Variants in RORB observed in about 807,000 individuals in gnomAD.
RORB encodes RAR related orphan receptor B.
A neutral mutation model predicts 59.1 loss-of-function variants in RORB; 6 were observed. The observed-to-expected ratio is 0.10, with a 90% confidence interval of 0.06 to 0.20. The LOEUF is 0.20. Among genes scored for constraint, RORB ranks in the 10% least tolerant of loss-of-function variants. The probability of loss-of-function intolerance (pLI) is 1.00; values close to 1 mark genes in which losing one functional copy is unlikely to be tolerated. For synonymous variants in RORB, 215 were observed against 204.5 expected, an observed-to-expected ratio of 1.05 and a Z score of -0.44; for missense variants, 320 against 560.5, an observed-to-expected ratio of 0.57 and a Z score of 4.33.
rs1316409550 is a variant in RORB, at chr9:74,689,608, A to C, written c.*3990A>C. ...AGATTCCAAGAGATCTTAAATCATA[A>C]TAAACTCTGAATATTAACAAGAGGT... On this transcript the variant is annotated 3_prime_UTR_variant, in exon 10 of 10. Coordinates refer to ENST00000376896, the MANE Select transcript of RORB (RefSeq NM_006914.4). The C allele has an allele frequency of 2.0e-5, 3 of 152,212 alleles. No homozygotes were observed. The highest frequency in any genetic ancestry group is 2.9e-5 in the Non-Finnish European group (2 of 68,044). The allele number at this position is 152,212 out of a possible 1,614,324, so 9.4% of individuals were successfully genotyped here. A position where few individuals can be genotyped will look rare whatever the true frequency, so the allele number is the denominator to read the frequency against.
Position 74,692,780 on chromosome 9 carries a change from A to G in RORB, c.*7162A>G, listed in dbSNP as rs1211949379. On this transcript the variant is annotated 3_prime_UTR_variant, in exon 10 of 10. Transcript: ENST00000376896. ...ATGTATTCTTATTGGCCTGTAGAGG[A>G]AAAAGGCAAACCACAAATAAACCCA... The G allele has an allele frequency of 1.3e-5, 2 of 152,176 alleles. No homozygotes were observed. Among genetic ancestry groups the G allele is most frequent in the Admixed American group, 6.5e-5 (1 of 15,278 alleles). The allele number at this position is 152,176 out of a possible 1,614,324, so 9.4% of individuals were successfully genotyped here. A position where few individuals can be genotyped will look rare whatever the true frequency, so the allele number is the denominator to read the frequency against.
At chr9:74,648,964 T>C (rs1823947119) in intron 4 of RORB, among the ~76,000 whole-genome samples, 1 of 151,656 alleles carries the variant, frequency 6.6e-6, no homozygotes, top group Non-Finnish European at 1.5e-5. Context: ...AAAATGAAGA[T>C]AGGTTCTTTT....
chr9:74,508,578 A>T (rs1354909130), intron 1 of RORB, among the ~76,000 whole-genome samples: 1 of 152,032 alleles, frequency 6.6e-6, no homozygotes, highest in Non-Finnish European at 1.5e-5. Flanking sequence ...TGTAGGTGAC[A>T]CCTTCTATAG....
chr9:74,569,839 G>C (rs1189168103), intron 1 of RORB, among the ~76,000 whole-genome samples: 1 of 151,886 alleles, frequency 6.6e-6, no homozygotes, highest in Non-Finnish European at 1.5e-5. Context: ...CAAATATCTA[G>C]CTTGTTAAAT....
chr9:74,621,942 A>C (rs544113993), intron 1 of RORB, among the ~76,000 whole-genome samples: 1 of 152,298 alleles, frequency 6.6e-6, no homozygotes, highest in South Asian at 2.1e-4. Context: ...TTTTGGATTC[A>C]AGTACTTTAT....
intron 1 of RORB, among the ~76,000 whole-genome samples, chr9:74,620,700 T>C (rs993431519): frequency 4.6e-5 from 7 of 152,264 alleles, no homozygotes; most frequent in African/African-American, 1.4e-4. Flanking sequence ...TAAATTTCCC[T>C]CTACACACTG....
Position 74,665,577 on chromosome 9 carries a change from C to A in RORB, c.982C>A (p.Gln328Lys). 6.2e-7 allele frequency: 1 copy of A among 1,609,854 alleles called. No individual in the cohort carries two copies. Among genetic ancestry groups the A allele is most frequent in the Non-Finnish European group, 8.5e-7 (1 of 1,176,632 alleles). ...VLFEGKYGGM[Q>K]MFKALGSDDL... Reference sequence around the variant, plus strand: ...GTTTGAAGGAAAATATGGAGGAATGCAAATGTTCAAAGCCTTAGGTAAGTT... The same window carrying A: ...GTTTGAAGGAAAATATGGAGGAATGAAAATGTTCAAAGCCTTAGGTAAGTT... The change falls in exon 7 of 10, where the codon CAA (glutamine) becomes AAA (lysine). Residue 328 changes from glutamine to lysine, a missense_variant. Gln to Lys is a moderately conservative substitution (Grantham distance 53). Around this residue, in one of 4 missense-constraint regions of RORB, gnomAD observed 109 missense variants for 171.0 expected, o/e 0.64. Transcript: ENST00000376896.
intron 1 of RORB, among the ~76,000 whole-genome samples, chr9:74,604,020 G>C (rs1040899969): frequency 9.3e-5 from 14 of 150,918 alleles, no homozygotes; most frequent in African/African-American, 3.2e-4. Context: ...CTATGTTCTT[G>C]TATATGGAAA....
At chr9:74,617,095 C>T (rs900639059) in intron 1 of RORB, among the ~76,000 whole-genome samples, 3 of 148,770 alleles carry the variant, frequency 2.0e-5, no homozygotes, top group South Asian at 4.5e-4. Flanking sequence ...CCGCTCCCCC[C>T]GCAAAAAAAC....
intron 1 of RORB, among the ~76,000 whole-genome samples, chr9:74,622,629 C>A (rs1419698659): frequency 6.9e-6 from 1 of 145,380 alleles, no homozygotes. Context: ...CGAGTTCAAG[C>A]GATTCTCCTG....
chr9:74,527,793 C>T (rs1488047079), intron 1 of RORB, among the ~76,000 whole-genome samples: 3 of 151,984 alleles, frequency 2.0e-5, no homozygotes, highest in African/African-American at 4.8e-5. Context: ...TCACTACAAA[C>T]GAGCCCAGGC....
At chr9:74,582,979 C>T (rs1277124754) in intron 1 of RORB, among the ~76,000 whole-genome samples, 1 of 152,158 alleles carries the variant, frequency 6.6e-6, no homozygotes, top group East Asian at 1.9e-4. Flanking sequence ...CTTCAACCTT[C>T]TCAGGTGTCT....
intron 4 of RORB, among the ~76,000 whole-genome samples, chr9:74,647,943 T>C (rs1823926272): frequency 6.6e-6 from 1 of 152,226 alleles, no homozygotes; most frequent in African/African-American, 2.4e-5. Flanking sequence ...ATAAATATTT[T>C]ATACTGTTTA....
At chr9:74,650,874 T>A (rs1217442769) in intron 4 of RORB, among the ~76,000 whole-genome samples, 1 of 152,184 alleles carries the variant, frequency 6.6e-6, no homozygotes, top group Admixed American at 6.5e-5. Context: ...AATTAGTTCT[T>A]CCTAAAGGTC....
intron 4 of RORB, among the ~76,000 whole-genome samples, chr9:74,646,908 G>C (rs1445618224): frequency 1.3e-5 from 2 of 152,104 alleles, no homozygotes; most frequent in South Asian, 2.1e-4. Context: ...GAGGGAGACG[G>C]CAAGTATTGA....
In RORB at chr9:74,662,622, C is replaced by G. The variant is rs1351008574; in HGVS notation, c.892+16C>G. ...CTGAAGTCAGGTAAGCAAGAAGATT[C>G]ATGGGAGGCCTATTTCAGATAAGGA... is the stretch of plus-strand genomic sequence containing the variant. On this transcript the variant is annotated intron_variant, in intron 6 of 9. Coordinates refer to ENST00000376896, the MANE Select transcript of RORB (RefSeq NM_006914.4). 1 of 1,611,778 alleles carries G rather than the reference C, an allele frequency of 6.2e-7. No individual in the cohort carries two copies. The highest frequency in any genetic ancestry group is 1.1e-5 in the South Asian group (1 of 91,070).
chr9:74,630,683 C>A (rs938797007), intron 2 of RORB, among the ~76,000 whole-genome samples: 9 of 152,030 alleles, frequency 5.9e-5, no homozygotes, highest in African/African-American at 2.2e-4. Flanking sequence ...AATTCCAAGG[C>A]ACTTATTACT....
At chr9:74,598,498 A>G (rs1823007508) in intron 1 of RORB, among the ~76,000 whole-genome samples, 1 of 152,196 alleles carries the variant, frequency 6.6e-6, no homozygotes, top group South Asian at 2.1e-4. Flanking sequence ...TTTTTTTTAA[A>G]TTATATATTG....
chr9:74,665,260 A>G (rs1824247060), intron 6 of RORB, among the ~76,000 whole-genome samples: 1 of 152,114 alleles, frequency 6.6e-6, no homozygotes, highest in Non-Finnish European at 1.5e-5. Context: ...TTTTGCCAAT[A>G]CTTTCAATGG....
Sources: allele counts gnomAD v4.1 joint callset (sites outside exome capture counted in the v4.1 genomes callset), GRCh38; gene constraint gnomAD v4.1.1; regional missense constraint gnomAD v4.1.1; transcripts MANE v1.5; gene names NCBI Gene and HGNC (gene_info 2026-07-23, HGNC 2026-07-21).